CETN3: variants seen among roughly 807,000 people sequenced by gnomAD.
CETN3 encodes the protein centrin 3, also known as centrin-3.
In CETN3, 17 loss-of-function variants were observed where a neutral mutation model predicts 20.1. That is an observed-to-expected ratio of 0.85 (90% CI 0.58 to 1.27). The LOEUF is 1.27. Ranked by LOEUF, CETN3 falls within the 50% of genes most tolerant of loss-of-function variation. The probability of loss-of-function intolerance (pLI) is 0.00; values close to 1 mark genes in which losing one functional copy is unlikely to be tolerated. For missense variants in CETN3, 169 were observed against 191.2 expected, an observed-to-expected ratio of 0.88 and a Z score of 0.69; for synonymous variants, 52 against 59.7, an observed-to-expected ratio of 0.87 and a Z score of 0.59.
intron 3 of CETN3, among the ~76,000 whole-genome samples, chr5:90,403,148 T>G (rs2151883318): frequency 6.6e-6 from 1 of 152,324 alleles, no homozygotes; most frequent in South Asian, 2.1e-4. Context: ...AGGAAGAGTC[T>G]ATAATAGTTA....
chr5:90,407,932 C>G (rs957979376), intron 1 of CETN3, 98 bp from the exon 2 acceptor site: 1 of 1,038,810 alleles, frequency 9.6e-7, no homozygotes, highest in South Asian at 2.4e-5. Context: ...AAAGAAAGTA[C>G]TTTGGAGAAA....
chr5:90,409,715 A>C lies in CETN3; in HGVS notation c.-54T>G. 1.9e-6 allele frequency: 3 copies of C among 1,612,176 alleles called. No homozygotes were observed. The highest frequency in any genetic ancestry group is 2.5e-6 in the Non-Finnish European group (3 of 1,178,448). On this transcript the variant is annotated 5_prime_UTR_variant, in exon 1 of 5. Coordinates refer to ENST00000283122, the MANE Select transcript of CETN3 (RefSeq NM_004365.4). ...AAGAACGATTTTAACCCCCTACCCA[A>C]GGCAGCAAGACGCCCACAGCCGTTC...
chr5:90,401,871 A>T (rs936276080), intron 3 of CETN3, among the ~76,000 whole-genome samples: 1 of 152,206 alleles, frequency 6.6e-6, no homozygotes, highest in South Asian at 2.1e-4. Context: ...TTGTTTTAAA[A>T]CAAGGTCTCG....
chr5:90,396,081 T>C lies in CETN3; in HGVS notation c.461-1974A>G, dbSNP rs1004613501. 5 of 955,122 alleles carry C rather than the reference T, an allele frequency of 5.2e-6. No homozygotes were observed. The African/African-American group carries it at 8.9e-5, about 17-fold the overall frequency. The allele number at this position is 955,122 out of a possible 1,614,324, so 59.2% of individuals were successfully genotyped here. A position where few individuals can be genotyped will look rare whatever the true frequency, so the allele number is the denominator to read the frequency against. On this transcript the variant is annotated intron_variant, in intron 4 of 4. Transcript: ENST00000283122. Reference sequence around the variant, plus strand: ...TAAGAAAAATTTAGGTAAAGGTAAATCATTACTTGGGCTCTAAAATAAAAA... The same window carrying C: ...TAAGAAAAATTTAGGTAAAGGTAAACCATTACTTGGGCTCTAAAATAAAAA...
chr5:90,393,963 G>A lies in CETN3; in HGVS notation c.*101C>T. 1.3e-6 allele frequency: 1 copy of A among 790,886 alleles called. No homozygotes were observed. Among genetic ancestry groups the A allele is most frequent in the Non-Finnish European group, 2.1e-6 (1 of 468,710 alleles). The allele number at this position is 790,886 out of a possible 1,614,324, so 49.0% of individuals were successfully genotyped here. On this transcript the variant is annotated 3_prime_UTR_variant, in exon 5 of 5. Transcript: ENST00000283122. ...TAAGATGCTTATTTTTGGTCCTTTA[G>A]GATAAAAGAACTAAGTTGGTTTTTT...
intron 4 of CETN3, among the ~76,000 whole-genome samples, chr5:90,394,872 T>C (rs1040482659): frequency 4.2e-5 from 6 of 144,546 alleles, no homozygotes; most frequent in Admixed American, 2.1e-4. Context: ...CAGATAATCT[T>C]ATAGAATATA....
At chr5:90,407,440 GA>G (rs993263508) in intron 2 of CETN3, among the ~76,000 whole-genome samples, 2 of 152,002 alleles carry the variant, frequency 1.3e-5, no homozygotes, top group African/African-American at 4.8e-5. Flanking sequence ...TTATGACAGT[GA>G]AAAATAAGCA....
chr5:90,407,730 TTGTCTG>T lies in CETN3; in HGVS notation c.116_121del (p.Thr39_Asp40del). ...TTCATGATAATCTATTGCTTCATCT[TTGTCTG>T]TATCAAATAGTTCAAAAGCATCTTT... On this transcript the variant is annotated inframe_deletion, in exon 2 of 5. Coordinates refer to ENST00000283122, the MANE Select transcript of CETN3 (RefSeq NM_004365.4). 1 of 1,566,380 alleles carries T rather than the reference TTGTCTG, an allele frequency of 6.4e-7. No individual in the cohort carries two copies. The highest frequency in any genetic ancestry group is 8.7e-7 in the Non-Finnish European group (1 of 1,147,162).
intron 4 of CETN3, among the ~76,000 whole-genome samples, chr5:90,397,730 T>C (rs559547674): frequency 6.6e-6 from 1 of 152,232 alleles, no homozygotes; most frequent in African/African-American, 2.4e-5. Flanking sequence ...CTTTGCCATT[T>C]TGGAGATTTG....
chr5:90,399,666 G>A (rs1749232659), intron 3 of CETN3, 117 bp from the exon 4 acceptor site: 2 of 771,530 alleles, frequency 2.6e-6, no homozygotes, highest in South Asian at 2.0e-5. Flanking sequence ...CTTTTAGTCT[G>A]ACAATAAAAT....
At position 90,403,875 on chromosome 5, in the gene CETN3, G is replaced by GAAAA. The variant is rs60385437; in HGVS notation, c.268+1806_268+1809dup. Among the ~76,000 whole-genome samples the GAAAA allele has an allele frequency of 5.3e-4, 46 of 86,736 alleles. 2 individuals are homozygous for GAAAA. The highest frequency in any genetic ancestry group is 1.4e-3 in the East Asian group (4 of 2,812). 56.9% of individuals were successfully genotyped at this position (86,736 alleles called of 152,430 possible). A position where few individuals can be genotyped will look rare whatever the true frequency, so the allele number is the denominator to read the frequency against. Reference sequence around the variant, plus strand: ...GACAGAGCGAGACTCTGTCTCAAAAGAAAAAAAAAAAAAAAAAAAAAAAAA... The same window carrying GAAAA: ...GACAGAGCGAGACTCTGTCTCAAAAGAAAAAAAAAAAAAAAAAAAAAAAAAAAAA... On this transcript the variant is annotated intron_variant, in intron 3 of 4. Coordinates refer to ENST00000283122, the MANE Select transcript of CETN3 (RefSeq NM_004365.4).
At chr5:90,405,556 AAG>A in intron 3 of CETN3, 127 bp downstream of exon 3, 2 of 610,546 alleles carry the variant, frequency 3.3e-6, no homozygotes, top group Non-Finnish European at 5.7e-6. Context: ...AAAACTGAGT[AAG>A]AGTCACATTA....
chr5:90,405,565 A>G (rs986704438), intron 3 of CETN3, 120 bp downstream of exon 3: 1 of 657,618 alleles, frequency 1.5e-6, no homozygotes. Context: ...TAAGAGTCAC[A>G]TTATACACCA....
intron 4 of CETN3, among the ~76,000 whole-genome samples, chr5:90,395,229 C>T (rs1749111071): frequency 6.6e-6 from 1 of 152,106 alleles, no homozygotes; most frequent in Admixed American, 6.5e-5. Flanking sequence ...AATGCCAACA[C>T]CACAATAAGT....
intron 3 of CETN3, among the ~76,000 whole-genome samples, chr5:90,404,927 C>A (rs1749395160): frequency 6.6e-6 from 1 of 151,054 alleles, no homozygotes; most frequent in Non-Finnish European, 1.5e-5. Context: ...ATATTCTAGA[C>A]AATACATTTA....
chr5:90,406,444 GTTTACCT>G (rs1749444182), intron 2 of CETN3, among the ~76,000 whole-genome samples: 2 of 151,434 alleles, frequency 1.3e-5, no homozygotes, highest in African/African-American at 4.8e-5. Flanking sequence ...GAACAGAGCA[GTTTACCT>G]CACCTGAATT....
At chr5:90,407,563 C>A in intron 2 of CETN3, 136 bp downstream of exon 2, 1 of 527,088 alleles carries the variant, frequency 1.9e-6, no homozygotes, top group Non-Finnish European at 3.1e-6. Flanking sequence ...CAGCATCTAA[C>A]TATGAATGCT....
chr5:90,399,673 A>G, intron 3 of CETN3, 124 bp from the exon 4 acceptor site: 1 of 713,802 alleles, frequency 1.4e-6, no homozygotes, highest in Non-Finnish European at 2.3e-6. Flanking sequence ...TCTGACAATA[A>G]AATGTCAAAT....
At chr5:90,396,438 C>G (rs1465848959) in intron 4 of CETN3, 2 of 1,502,916 alleles carry the variant, frequency 1.3e-6, no homozygotes, top group Non-Finnish European at 1.8e-6. Context: ...CTCTCTCTTT[C>G]CAATAAATAC....
Sources: gnomAD v4.1 joint callset for allele counts (sites outside exome capture counted in the v4.1 genomes callset) on GRCh38, gnomAD v4.1.1 for gene constraint, MANE v1.5 for transcripts, NCBI Gene and HGNC (gene_info 2026-07-23, HGNC 2026-07-21) for gene names.